Variants in PCDHGA10 observed in about 807,000 individuals in gnomAD.
PCDHGA10 encodes protocadherin gamma subfamily A, 10.
A neutral mutation model predicts 59.5 loss-of-function variants in PCDHGA10; 42 were observed. The ratio of observed to expected loss-of-function variants is 0.71; its 90% confidence interval spans 0.55 to 0.91. The LOEUF is 0.91. Among genes scored for constraint, PCDHGA10 ranks in the 40% least tolerant of loss-of-function variants. The pLI, the probability that PCDHGA10 is intolerant of heterozygous loss-of-function variation, is 0.00. For missense variants in PCDHGA10, 1,111 were observed against 1,198.2 expected, an observed-to-expected ratio of 0.93 and a Z score of 1.07; for synonymous variants, 511 against 517.2, an observed-to-expected ratio of 0.99 and a Z score of 0.16.
At chr5:141,450,932 C>G (rs868373954) in intron 1 of PCDHGA10, among the ~76,000 whole-genome samples, 1 of 151,134 alleles carries the variant, frequency 6.6e-6, no homozygotes, top group Admixed American at 6.6e-5. Context: ...TCAAGCAATT[C>G]TCCTACCTCA....
At position 141,477,167 on chromosome 5, in the gene PCDHGA10, G is replaced by A; in HGVS notation, c.2437-17640G>A. On this transcript the variant is annotated intron_variant, in intron 1 of 3. Coordinates refer to ENST00000398610, the MANE Select transcript of PCDHGA10 (RefSeq NM_018913.3). This position sits in a 1 kb window ranked among gnomAD's most constrained non-coding sequence, Gnocchi z 4.9. ...TGTGGATGTGAATGACAACGCCCCGGAGATCACAGTCACCTCCGTGTACAG... is the reference window on the plus strand; with the variant it reads ...TGTGGATGTGAATGACAACGCCCCGAAGATCACAGTCACCTCCGTGTACAG... 6.2e-7 allele frequency: 1 copy of A among 1,614,166 alleles called. No homozygotes were observed. Among genetic ancestry groups the A allele is most frequent in the South Asian group, 1.1e-5 (1 of 91,076 alleles).
Position 141,429,387 on chromosome 5 carries a change from TAAA to T in PCDHGA10, c.2436+13782_2436+13784del, listed in dbSNP as rs11410533. Among the ~76,000 whole-genome samples, 27 of 151,446 alleles carry T rather than the reference TAAA, an allele frequency of 1.8e-4. No homozygotes were observed. In the East Asian group the frequency reaches 1.9e-3, roughly 11 times the overall value. ...AAATGGAGAAAATGTGTTTTTTTTTTAAAAAAAATTGAGATTAAGGTCTCATTA... is the reference window on the plus strand; with the variant it reads ...AAATGGAGAAAATGTGTTTTTTTTTTAAAAATTGAGATTAAGGTCTCATTA... On this transcript the variant is annotated intron_variant, in intron 1 of 3. Coordinates refer to ENST00000398610, the MANE Select transcript of PCDHGA10 (RefSeq NM_018913.3).
At chr5:141,441,703 A>C (rs1329703451) in intron 1 of PCDHGA10, 2 of 312,092 alleles carry the variant, frequency 6.4e-6, no homozygotes, top group Non-Finnish European at 1.3e-5. Context: ...CGAGCCTTCA[A>C]GCTCACGCTG....
intron 1 of PCDHGA10, among the ~76,000 whole-genome samples, chr5:141,494,072 C>G (rs2099751672): frequency 6.6e-6 from 1 of 152,160 alleles, no homozygotes; most frequent in Non-Finnish European, 1.5e-5. Flanking sequence ...CTGGATCCCT[C>G]CCCGCTGCAT....
Position 141,490,920 on chromosome 5 carries a change from T to A in PCDHGA10, c.2437-3887T>A. 1.2e-6 allele frequency: 2 copies of A among 1,613,638 alleles called. No homozygotes were observed. The highest frequency in any genetic ancestry group is 1.7e-6 in the Non-Finnish European group (2 of 1,179,684). The stretch of plus-strand genomic sequence containing the variant: ...TGTTTGTCCTAGACGAGAATGATAA[T>A]GCCCCAGCTGTGCTGCACCCACGGC... On this transcript the variant is annotated intron_variant, in intron 1 of 3. Coordinates refer to ENST00000398610, the MANE Select transcript of PCDHGA10 (RefSeq NM_018913.3). This position sits in a 1 kb window ranked among gnomAD's most constrained non-coding sequence, Gnocchi z 5.4.
intron 2 of PCDHGA10, among the ~76,000 whole-genome samples, chr5:141,504,211 A>G (rs2099836609): frequency 6.6e-6 from 1 of 152,218 alleles, no homozygotes. Flanking sequence ...GGAAAATTCC[A>G]AGTAGAGCTG....
chr5:141,441,672 GCCTTCGA>G (rs1327551430), intron 1 of PCDHGA10: 1 of 290,468 alleles, frequency 3.4e-6, no homozygotes, highest in Non-Finnish European at 6.8e-6. Flanking sequence ...CGCACAGTGC[GCCTTCGA>G]CCAAGAGCAG....
intron 1 of PCDHGA10, among the ~76,000 whole-genome samples, chr5:141,474,163 T>A (rs958292802): frequency 2.0e-5 from 3 of 152,178 alleles, no homozygotes; most frequent in Non-Finnish European, 2.9e-5. Flanking sequence ...ATGACAGGCC[T>A]TATTATTGAG....
intron 1 of PCDHGA10, chr5:141,422,627 C>T: frequency 6.2e-7 from 1 of 1,613,350 alleles, no homozygotes; most frequent in Non-Finnish European, 8.5e-7. Flanking sequence ...GAAAACAACC[C>T]CAGGGGTGCC....
Position 141,432,604 on chromosome 5 carries a change from A to T in PCDHGA10, c.2436+16993A>T, listed in dbSNP as rs774164351. ...GTCTGCTCAAGGCCAGCGAGCCGGG[A>T]CTCTTCTCGGTGGGTCTGCACACGG... On this transcript the variant is annotated intron_variant, in intron 1 of 3. Coordinates refer to ENST00000398610, the MANE Select transcript of PCDHGA10 (RefSeq NM_018913.3). The surrounding 1 kb of genome is among the most constrained non-coding windows in gnomAD (Gnocchi z 6.0). 1.2e-6 allele frequency: 2 copies of T among 1,610,530 alleles called. No homozygotes were observed. The highest frequency in any genetic ancestry group is 1.7e-6 in the Non-Finnish European group (2 of 1,179,274).
rs1414835001 is a variant in PCDHGA10 at position 141,476,225 on chromosome 5, A to T, written c.2437-18582A>T. 1.2e-6 allele frequency: 2 copies of T among 1,613,882 alleles called. No individual in the cohort carries two copies. Among genetic ancestry groups the T allele is most frequent in the Non-Finnish European group, 1.7e-6 (2 of 1,180,012 alleles). ...GGCTTCCACGGTCATTCACTATGAG[A>T]TCCCGGAGGAAAGAGAGAAGGGTTT... On this transcript the variant is annotated intron_variant, in intron 1 of 3. Transcript: ENST00000398610. This position sits in a 1 kb window ranked among gnomAD's most constrained non-coding sequence, Gnocchi z 7.6.
chr5:141,510,472 G>A (rs1209464436), intron 3 of PCDHGA10, among the ~76,000 whole-genome samples: 7 of 152,102 alleles, frequency 4.6e-5, no homozygotes, highest in Non-Finnish European at 1.0e-4. Context: ...GGAGTCAGAG[G>A]CTCCCTTGAG....
Position 141,414,689 on chromosome 5 carries a change from T to G in PCDHGA10, c.1514T>G (p.Leu505Arg), listed in dbSNP as rs1256681548. Residue 505 changes from leucine to arginine, a missense_variant, in exon 1 of 4, where the codon CTG becomes CGG. Coordinates refer to ENST00000398610, the MANE Select transcript of PCDHGA10 (RefSeq NM_018913.3). ...LAEDTIQGVP[L>R]SSYISINSDT... is the part of the protein sequence containing the mutation. ...GAAGACACCATCCAGGGGGTACCTC[T>G]GTCCTCATACATATCCATCAACTCA... The G allele has an allele frequency of 1.2e-6, 2 of 1,614,070 alleles. No individual in the cohort carries two copies. The highest frequency in any genetic ancestry group is 8.5e-7 in the Non-Finnish European group (1 of 1,179,920).
In PCDHGA10 at chr5:141,431,961, A is replaced by C; in HGVS notation, c.2436+16350A>C. Reference sequence around the variant, plus strand: ...AAATTAGAAAAATCTTACGGAAATTACTATAGTTTAGTCACAGACATAGTC... The same window carrying C: ...AAATTAGAAAAATCTTACGGAAATTCCTATAGTTTAGTCACAGACATAGTC... On this transcript the variant is annotated intron_variant, in intron 1 of 3. Transcript: ENST00000398610. The surrounding 1 kb of genome is among the most constrained non-coding windows in gnomAD (Gnocchi z 4.8). 1 of 1,614,206 alleles carries C rather than the reference A, an allele frequency of 6.2e-7. No homozygotes were observed.
intron 1 of PCDHGA10, chr5:141,478,523 G>T (rs2099461821): frequency 6.2e-7 from 1 of 1,609,908 alleles, no homozygotes; most frequent in Non-Finnish European, 8.5e-7. Context: ...GGTGTTGGGT[G>T]CAGAGAGCGC....
intron 1 of PCDHGA10, chr5:141,422,964 G>A: frequency 1.2e-6 from 2 of 1,614,190 alleles, no homozygotes; most frequent in Non-Finnish European, 1.7e-6. Flanking sequence ...TGGAGCTGGC[G>A]CCCCGCTCTG....
Position 141,477,412 on chromosome 5 carries a change from C to T in PCDHGA10, c.2437-17395C>T. 6 of 1,614,168 alleles carry T rather than the reference C, an allele frequency of 3.7e-6. No individual in the cohort carries two copies. The highest frequency in any genetic ancestry group is 1.1e-5 in the South Asian group (1 of 91,082). On this transcript the variant is annotated intron_variant, in intron 1 of 3. Coordinates refer to ENST00000398610, the MANE Select transcript of PCDHGA10 (RefSeq NM_018913.3). This position sits in a 1 kb window ranked among gnomAD's most constrained non-coding sequence, Gnocchi z 4.9. ...ACCTCAGCATCACCGCCCGAGACGC[C>T]GGAACCCCTTCCCTCTCAGCCCTTA... is the stretch of plus-strand genomic sequence containing the variant.
intron 1 of PCDHGA10, among the ~76,000 whole-genome samples, chr5:141,439,631 A>C (rs1459977985): frequency 2.0e-5 from 3 of 152,214 alleles, no homozygotes; most frequent in Non-Finnish European, 2.9e-5. Context: ...ATCCCCAGAC[A>C]TTCCGGCTTG....
intron 1 of PCDHGA10, chr5:141,419,831 G>C: frequency 1.9e-6 from 3 of 1,614,048 alleles, no homozygotes; most frequent in Non-Finnish European, 2.5e-6. Context: ...TTCAGCCACT[G>C]CCACGCTGCA....
Sources: gnomAD v4.1 joint callset for allele counts (sites outside exome capture counted in the v4.1 genomes callset) on GRCh38, gnomAD v4.1.1 for gene constraint, Gnocchi (gnomAD v3.1) non-coding constraint, MANE v1.5 for transcripts, NCBI Gene and HGNC (gene_info 2026-07-23, HGNC 2026-07-21) for gene names.